UQCRB: variants seen among roughly 807,000 people sequenced by gnomAD.
UQCRB encodes cytochrome b-c1 complex subunit 7.
A neutral mutation model predicts 19.8 loss-of-function variants in UQCRB; 12 were observed. That is an observed-to-expected ratio of 0.61 (90% CI 0.39 to 0.98). UQCRB has a LOEUF of 0.98. Ranked by LOEUF, UQCRB falls within the 50% of genes least tolerant of loss-of-function variation. The probability of loss-of-function intolerance (pLI) is 0.00; values close to 1 mark genes in which losing one functional copy is unlikely to be tolerated. For synonymous variants in UQCRB, 39 were observed against 42.9 expected (o/e 0.91, Z 0.35); for missense variants, 142 against 131.8 (o/e 1.08, Z -0.38).
intron 2 of UQCRB, 27 bp from the exon 3 acceptor site, chr8:96,231,967 C>A: frequency 6.2e-7 from 1 of 1,609,932 alleles, no homozygotes; most frequent in Non-Finnish European, 8.5e-7. Context: ...AGTTAGATTG[C>A]ACATGCATCT....
In UQCRB at chr8:96,227,998, A is replaced by G; in HGVS notation, c.*3057T>C. 2.2e-6 allele frequency: 1 copy of G among 454,138 alleles called. No individual in the cohort carries two copies. Among genetic ancestry groups the G allele is most frequent in the Non-Finnish European group, 4.4e-6 (1 of 226,804 alleles). The allele number at this position is 454,138 out of a possible 1,614,324, so 28.1% of individuals were successfully genotyped here. ...GAATGTTATCAAATATTTCCATGCA[A>G]TCTGGAACTAGGACCACAGCTGGCA... is the stretch of plus-strand genomic sequence containing the variant. On this transcript the variant is annotated 3_prime_UTR_variant, in exon 4 of 4. Coordinates refer to ENST00000287022, the MANE Select transcript of UQCRB (RefSeq NM_006294.5).
chr8:96,228,613 T>C lies in UQCRB; in HGVS notation c.*2442A>G, dbSNP rs752886414. The C allele has an allele frequency of 8.8e-6, 4 of 454,176 alleles. No individual in the cohort carries two copies. Among genetic ancestry groups the C allele is most frequent in the South Asian group, 6.2e-5 (4 of 64,480 alleles). 28.1% of individuals were successfully genotyped at this position (454,176 alleles called of 1,614,324 possible). A position where few individuals can be genotyped will look rare whatever the true frequency, so the allele number is the denominator to read the frequency against. On this transcript the variant is annotated 3_prime_UTR_variant, in exon 4 of 4. Transcript: ENST00000287022. Reference sequence around the variant, plus strand: ...CTCAGCACATAATTTACATTATGCATACTATATGCCAGAAACTGTTAGTGC... The same window carrying C: ...CTCAGCACATAATTTACATTATGCACACTATATGCCAGAAACTGTTAGTGC...
chr8:96,227,013 A>T lies in UQCRB; in HGVS notation c.*4042T>A, dbSNP rs149230463. ...AGATTCTAACATGTTATGGCTTTTA[A>T]TATGAACGCCAGTATAACCAGAATG... On this transcript the variant is annotated 3_prime_UTR_variant, in exon 4 of 4. Transcript: ENST00000287022. The T allele has an allele frequency of 1.8e-5, 8 of 454,060 alleles. No homozygotes were observed. In the Admixed American group the frequency reaches 1.9e-4, roughly 11 times the overall value. 28.1% of individuals were successfully genotyped at this position (454,060 alleles called of 1,614,324 possible). A position where few individuals can be genotyped will look rare whatever the true frequency, so the allele number is the denominator to read the frequency against.
chr8:96,235,467 G>A, intron 1 of UQCRB, 45 bp downstream of exon 1: 1 of 1,614,020 alleles, frequency 6.2e-7, no homozygotes, highest in Admixed American at 1.7e-5. Flanking sequence ...AAAAATAAAC[G>A]GTGAAGCGCG....
At position 96,228,884 on chromosome 8, in the gene UQCRB, T is replaced by C. The variant is rs1443880419; in HGVS notation, c.*2171A>G. On this transcript the variant is annotated 3_prime_UTR_variant, in exon 4 of 4. Coordinates refer to ENST00000287022, the MANE Select transcript of UQCRB (RefSeq NM_006294.5). ...AATGTAGATTTGGTCTACAGGACAATGCAGAGTGCCTGTGTTTCAGGCACT... is the reference window on the plus strand; with the variant it reads ...AATGTAGATTTGGTCTACAGGACAACGCAGAGTGCCTGTGTTTCAGGCACT... The C allele has an allele frequency of 6.6e-6, 3 of 454,082 alleles. No homozygotes were observed. Among genetic ancestry groups the C allele is most frequent in the Admixed American group, 2.3e-5 (1 of 42,574 alleles). The allele number at this position is 454,082 out of a possible 1,614,324, so 28.1% of individuals were successfully genotyped here. A position where few individuals can be genotyped will look rare whatever the true frequency, so the allele number is the denominator to read the frequency against.
rs946113990 is a variant in UQCRB at position 96,226,043 on chromosome 8, T to G, written c.*5012A>C. 2.6e-5 allele frequency: 4 copies of G among 152,146 alleles called. No individual in the cohort carries two copies. Among genetic ancestry groups the G allele is most frequent in the African/African-American group, 9.7e-5 (4 of 41,440 alleles). The allele number at this position is 152,146 out of a possible 1,614,324, so 9.4% of individuals were successfully genotyped here. A position where few individuals can be genotyped will look rare whatever the true frequency, so the allele number is the denominator to read the frequency against. ...GAAGCCAGGATGCTGCTAAATATCCTGTAACACACAGAGGAGGCCCCCACA... is the reference window on the plus strand; with the variant it reads ...GAAGCCAGGATGCTGCTAAATATCCGGTAACACACAGAGGAGGCCCCCACA... On this transcript the variant is annotated 3_prime_UTR_variant, in exon 4 of 4. Coordinates refer to ENST00000287022, the MANE Select transcript of UQCRB (RefSeq NM_006294.5).
At chr8:96,232,647 A>G (rs889046547) in intron 2 of UQCRB, 1 of 159,664 alleles carries the variant, frequency 6.3e-6, no homozygotes, top group Non-Finnish European at 1.4e-5. Flanking sequence ...CGACCAGCCT[A>G]ATATGGTGAA....
chr8:96,226,007 C>T lies in UQCRB; in HGVS notation c.*5048G>A, dbSNP rs1359271881. 2.0e-5 allele frequency: 3 copies of T among 152,108 alleles called. No homozygotes were observed. The highest frequency in any genetic ancestry group is 4.4e-5 in the Non-Finnish European group (3 of 68,024). 9.4% of individuals were successfully genotyped at this position (152,108 alleles called of 1,614,324 possible). On this transcript the variant is annotated 3_prime_UTR_variant, in exon 4 of 4. Transcript: ENST00000287022. ...TTGGAGGCAGGAGGCGCTACTGGTA[C>T]CTATCGTGTAGAAGCCAGGATGCTG... is the stretch of plus-strand genomic sequence containing the variant.
In UQCRB at chr8:96,231,758, G is replaced by C. The variant is rs1809680651; in HGVS notation, c.258+16C>G. ...CCTTAATGAGCAACACTGTCAGGTA[G>C]ATAAAGCTGTGCTACCTCTTCATAT... On this transcript the variant is annotated intron_variant, in intron 3 of 3. Transcript: ENST00000287022. 1.2e-6 allele frequency: 2 copies of C among 1,614,106 alleles called. No individual in the cohort carries two copies. The highest frequency in any genetic ancestry group is 4.5e-5 in the East Asian group (2 of 44,876).
chr8:96,232,234 T>C (rs1011377132), intron 2 of UQCRB: 1 of 357,680 alleles, frequency 2.8e-6, no homozygotes, highest in African/African-American at 2.1e-5. Flanking sequence ...AAAATTCATA[T>C]TTTATCTAAA....
chr8:96,231,646 T>C, intron 3 of UQCRB, 128 bp downstream of exon 3: 1 of 1,436,226 alleles, frequency 7.0e-7, no homozygotes, highest in Non-Finnish European at 9.7e-7. Flanking sequence ...ACATTTGCTT[T>C]ATTAACCTCA....
intron 2 of UQCRB, chr8:96,232,889 G>A: frequency 2.8e-6 from 1 of 354,620 alleles, no homozygotes; most frequent in Non-Finnish European, 5.0e-6. Context: ...GGGAAAGGGG[G>A]TGTAGAAGGA....
intron 1 of UQCRB, 148 bp downstream of exon 1, chr8:96,235,364 C>G (rs1032329528): frequency 7.3e-5 from 86 of 1,174,514 alleles, no homozygotes; most frequent in Middle Eastern, 1.9e-4. Context: ...AGTGGGGAAG[C>G]ACATCCTTTT....
At chr8:96,235,402 T>C in intron 1 of UQCRB, 110 bp downstream of exon 1, 1 of 1,499,544 alleles carries the variant, frequency 6.7e-7, no homozygotes. Context: ...CAATTTCCCT[T>C]CCGCGACAAA....
At chr8:96,233,401 A>G in intron 1 of UQCRB, 174 bp from the exon 2 acceptor site, 1 of 612,770 alleles carries the variant, frequency 1.6e-6, no homozygotes, top group South Asian at 2.1e-5. Flanking sequence ...ATTAGATTTA[A>G]AAGAAAAAAG....
In UQCRB at chr8:96,228,267, T is replaced by C. The variant is rs1167602229; in HGVS notation, c.*2788A>G. On this transcript the variant is annotated 3_prime_UTR_variant, in exon 4 of 4. Transcript: ENST00000287022. ...ATCTCAAACTTTAAACAACAAAAGA[T>C]ATCAAACATTTTAAACTGTACAAAG... 2.2e-6 allele frequency: 1 copy of C among 454,120 alleles called. No homozygotes were observed. The highest frequency in any genetic ancestry group is 1.6e-5 in the South Asian group (1 of 64,482). The allele number at this position is 454,120 out of a possible 1,614,324, so 28.1% of individuals were successfully genotyped here.
chr8:96,235,204 C>T lies in UQCRB; in HGVS notation c.19+308G>A, dbSNP rs1472555905. ...GTCATCCACTAGTTATCCTCTTGTG[C>T]CCTTTAACTTTTCTAAGGCCAAGGG... On this transcript the variant is annotated intron_variant, in intron 1 of 3. Transcript: ENST00000287022. The T allele has an allele frequency of 5.5e-6, 3 of 545,722 alleles. No homozygotes were observed. The Admixed American group carries it at 9.3e-5, about 17-fold the overall frequency. The allele number at this position is 545,722 out of a possible 1,614,324, so 33.8% of individuals were successfully genotyped here.
intron 2 of UQCRB, 141 bp from the exon 3 acceptor site, chr8:96,232,081 A>T: frequency 1.3e-6 from 1 of 793,436 alleles, no homozygotes. Flanking sequence ...ATGGAAATTC[A>T]ATGCATTTCA....
In UQCRB at chr8:96,226,875, GC is replaced by G. The variant is rs1809535829; in HGVS notation, c.*4179del. On this transcript the variant is annotated 3_prime_UTR_variant, in exon 4 of 4. Coordinates refer to ENST00000287022, the MANE Select transcript of UQCRB (RefSeq NM_006294.5). ...TATTAACAGGCTTTCTGACATCTAT[GC>G]TAAAAATTAACCACCGTATAATGAT... is the stretch of plus-strand genomic sequence containing the variant. 1 of 452,620 alleles carries G rather than the reference GC, an allele frequency of 2.2e-6. No homozygotes were observed. Among genetic ancestry groups the G allele is most frequent in the Admixed American group, 2.4e-5 (1 of 42,412 alleles). The allele number at this position is 452,620 out of a possible 1,614,324, so 28.0% of individuals were successfully genotyped here. A position where few individuals can be genotyped will look rare whatever the true frequency, so the allele number is the denominator to read the frequency against.
Sources: gnomAD v4.1 joint callset for allele counts on GRCh38, gnomAD v4.1.1 for gene constraint, MANE v1.5 for transcripts, NCBI Gene and HGNC (gene_info 2026-07-23, HGNC 2026-07-21) for gene names.